ABCG8: variants seen among roughly 807,000 people sequenced by gnomAD.
The protein encoded by ABCG8 is ATP-binding cassette sub-family G member 8.
Under a neutral mutation model 71.3 loss-of-function variants are expected in ABCG8, and 81 were observed. That is an observed-to-expected ratio of 1.14 (90% CI 0.95 to 1.37). ABCG8 has a LOEUF of 1.37. ABCG8 is among the 40% of genes most tolerant of loss of function. ABCG8 has a pLI of 0.00. For missense variants in ABCG8, 1,119 were observed against 866.2 expected (o/e 1.29, Z -3.66); for synonymous variants, 451 against 354.7 (o/e 1.27, Z -3.05).
intron 6 of ABCG8, among the ~76,000 whole-genome samples, chr2:43,868,233 C>CA (rs1669604892): frequency 6.6e-6 from 1 of 152,172 alleles, no homozygotes; most frequent in Non-Finnish European, 1.5e-5. Flanking sequence ...ATAGACCTCT[C>CA]ACTAGCTATC....
At chr2:43,870,525 C>A (rs1187071547) in intron 6 of ABCG8, among the ~76,000 whole-genome samples, 1 of 152,012 alleles carries the variant, frequency 6.6e-6, no homozygotes. Flanking sequence ...AGAATTCTCA[C>A]CCTTTGGATA....
At chr2:43,867,827 C>A (rs1669586450) in intron 6 of ABCG8, among the ~76,000 whole-genome samples, 2 of 152,234 alleles carry the variant, frequency 1.3e-5, no homozygotes, top group South Asian at 4.1e-4. Context: ...TTCTCACTCT[C>A]TAGATAGAAT....
chr2:43,872,064 A>G lies in ABCG8; in HGVS notation c.1053A>G (p.Glu351=), dbSNP rs1558850756. The G allele has an allele frequency of 6.2e-7, 1 of 1,614,136 alleles. No individual in the cohort carries two copies. The highest frequency in any genetic ancestry group is 8.5e-7 in the Non-Finnish European group (1 of 1,180,050). ...AGTCACTCGCAGCCCTGTTTCTAGA[A>G]AAAGTGCGTGACTTAGATGACTTTC... ...KAQSLAALFL[E]KVRDLDDFLW... Residue 351 remains glutamate, a synonymous_variant, in exon 7 of 13, where the codon GAA becomes GAG. Transcript: ENST00000272286.
At position 43,844,524 on chromosome 2, in the gene ABCG8, G is replaced by A. The variant is rs751787457; in HGVS notation, c.81G>A (p.Leu27=). 2 of 1,614,132 alleles carry A rather than the reference G, an allele frequency of 1.2e-6. No homozygotes were observed. Among genetic ancestry groups the A allele is most frequent in the East Asian group, 4.5e-5 (2 of 44,880 alleles). Reference sequence around the variant, plus strand: ...TCCCACAGGGCCTCCAGGATAGATTGTTCTCCTCTGAAAGTGACAACAGCC... The same window carrying A: ...TCCCACAGGGCCTCCAGGATAGATTATTCTCCTCTGAAAGTGACAACAGCC... The part of the protein sequence containing the change: ...PQDTSGLQDR[L]FSSESDNSLY... The change falls in exon 2 of 13, where the codon TTG becomes TTA. Residue 27 remains leucine (L), a synonymous_variant. Transcript: ENST00000272286.
chr2:43,850,591 C>T (rs1410649578), intron 3 of ABCG8, among the ~76,000 whole-genome samples: 2 of 152,122 alleles, frequency 1.3e-5, no homozygotes, highest in African/African-American at 4.8e-5. Flanking sequence ...TTTTCCTGCT[C>T]TCCCTCCTCC....
At chr2:43,863,234 TGGATAGAATTCTCACCATCG>T (rs1241592574) in intron 6 of ABCG8, among the ~76,000 whole-genome samples, 1 of 151,484 alleles carries the variant, frequency 6.6e-6, no homozygotes, top group Non-Finnish European at 1.5e-5. Flanking sequence ...ACTCACTATC[TGGATAGAATTCTCACCATCG>T]GGATAGAATT....
In ABCG8 at chr2:43,882,360, C is replaced by T. The variant is rs1271923495; in HGVS notation, c.*4447C>T. 1 of 152,222 alleles carries T rather than the reference C, an allele frequency of 6.6e-6. No individual in the cohort carries two copies. The highest frequency in any genetic ancestry group is 1.5e-5 in the Non-Finnish European group (1 of 68,052). The allele number at this position is 152,222 out of a possible 1,614,324, so 9.4% of individuals were successfully genotyped here. ...AACAGACCTGGGACCAGGGGTTCCT[C>T]ATAGTGGCTTAGCACAGCATACAGA... On this transcript the variant is annotated 3_prime_UTR_variant, in exon 13 of 13. Transcript: ENST00000272286.
chr2:43,858,169 T>A (rs1250701539), intron 6 of ABCG8, among the ~76,000 whole-genome samples: 2 of 151,342 alleles, frequency 1.3e-5, no homozygotes, highest in African/African-American at 4.8e-5. Context: ...TGGATAGAGT[T>A]CTCACCATAT....
At chr2:43,872,446 C>A in intron 8 of ABCG8, 140 bp downstream of exon 8, 1 of 999,452 alleles carries the variant, frequency 1.0e-6, no homozygotes, top group Non-Finnish European at 1.5e-6. Flanking sequence ...TCCAGCAGGG[C>A]GTTGGTGGCT....
At chr2:43,847,360 A>G (rs1668775979) in intron 3 of ABCG8, 1 of 152,188 alleles carries the variant, frequency 6.6e-6, no homozygotes, top group African/African-American at 2.4e-5. Flanking sequence ...CATCACAGTC[A>G]TGAAGTCCCT....
chr2:43,852,561 C>T (rs749057222), intron 5 of ABCG8, 38 bp from the exon 6 acceptor site: 10 of 1,613,986 alleles, frequency 6.2e-6, no homozygotes, highest in Non-Finnish European at 8.5e-6. Context: ...CTGGCCAGAG[C>T]CCCACCGACT....
chr2:43,856,938 A>C (rs1669131738), intron 6 of ABCG8, among the ~76,000 whole-genome samples: 2 of 150,700 alleles, frequency 1.3e-5, no homozygotes, highest in South Asian at 4.2e-4. Flanking sequence ...TAGAATTCTT[A>C]CTTTCTGGAT....
Position 43,873,017 on chromosome 2 carries a change from T to C in ABCG8, c.1211+711T>C, listed in dbSNP as rs572052298. ...CATACTCTGCATGCTGGTCTGTAGC[T>C]GGTTTCTTTTCACTTAGGGCAGCAC... On this transcript the variant is annotated intron_variant, in intron 8 of 12. Coordinates refer to ENST00000272286, the MANE Select transcript of ABCG8 (RefSeq NM_022437.3). Among the ~76,000 whole-genome samples, 16 of 152,160 alleles carry C rather than the reference T, an allele frequency of 1.1e-4. No individual in the cohort carries two copies. The South Asian group carries it at 3.3e-3, about 32-fold the overall frequency.
At chr2:43,873,394 G>A (rs771034885) in intron 8 of ABCG8, among the ~76,000 whole-genome samples, 4 of 151,842 alleles carry the variant, frequency 2.6e-5, no homozygotes, top group African/African-American at 2.4e-5. Flanking sequence ...GTTTCTCCAC[G>A]TTGGCCAGGC....
At chr2:43,869,432 T>G (rs1308923206) in intron 6 of ABCG8, among the ~76,000 whole-genome samples, 2 of 152,150 alleles carry the variant, frequency 1.3e-5, no homozygotes, top group Non-Finnish European at 2.9e-5. Flanking sequence ...TCTCACTCTC[T>G]GGATAGAACT....
At chr2:43,857,152 T>C (rs142438913) in intron 6 of ABCG8, among the ~76,000 whole-genome samples, 1 of 136,334 alleles carries the variant, frequency 7.3e-6, no homozygotes, top group African/African-American at 2.8e-5. Context: ...GATAGAATTC[T>C]CACTCTCTGG....
chr2:43,872,046 C>G lies in ABCG8; in HGVS notation c.1035C>G (p.Leu345=), dbSNP rs1215863532. 1.2e-6 allele frequency: 2 copies of G among 1,614,080 alleles called. No homozygotes were observed. The highest frequency in any genetic ancestry group is 1.7e-6 in the Non-Finnish European group (2 of 1,180,032). Residue 345 remains leucine, a synonymous_variant, in exon 7 of 13, where the codon CTC becomes CTG. Transcript: ENST00000272286. The part of the protein sequence containing the change: ...ELATREKAQS[L]AALFLEKVRD... ...CCACCAGGGAGAAGGCTCAGTCACT[C>G]GCAGCCCTGTTTCTAGAAAAAGTGC...
At chr2:43,848,806 A>G (rs1238767118) in intron 3 of ABCG8, among the ~76,000 whole-genome samples, 2 of 152,160 alleles carry the variant, frequency 1.3e-5, no homozygotes, top group South Asian at 4.2e-4. Context: ...ACCTGAGGTC[A>G]GGAGTTCGAG....
At chr2:43,867,260 C>A (rs185964555) in intron 6 of ABCG8, among the ~76,000 whole-genome samples, 1 of 151,290 alleles carries the variant, frequency 6.6e-6, no homozygotes, top group African/African-American at 2.4e-5. Context: ...GACGAGTTAG[C>A]GGGTGCAGCG....
Sources: gnomAD v4.1 joint callset for allele counts (sites outside exome capture counted in the v4.1 genomes callset) on GRCh38, gnomAD v4.1.1 for gene constraint, MANE v1.5 for transcripts, NCBI Gene and HGNC (gene_info 2026-07-23, HGNC 2026-07-21) for gene names.